The following TRAPPC9 variants were observed in gnomAD, a reference collection of about 807,000 sequenced individuals.
TRAPPC9 encodes trafficking protein particle complex subunit 9, also known as IKK2 binding protein.
A neutral mutation model predicts 124.0 loss-of-function variants in TRAPPC9; 83 were observed. That is an observed-to-expected ratio of 0.67 (90% CI 0.56 to 0.80). The LOEUF is 0.80. Among genes scored for constraint, TRAPPC9 ranks in the 30% least tolerant of loss-of-function variants. The pLI, the probability that TRAPPC9 is intolerant of heterozygous loss-of-function variation, is 0.00. For synonymous variants in TRAPPC9, 638 were observed against 617.5 expected, an observed-to-expected ratio of 1.03 and a Z score of -0.49; for missense variants, 1,302 against 1,508.3, an observed-to-expected ratio of 0.86 and a Z score of 2.27.
intron 9 of TRAPPC9, among the ~76,000 whole-genome samples, chr8:140,316,257 A>C (rs2066440348): frequency 6.6e-6 from 1 of 152,054 alleles, no homozygotes; most frequent in African/African-American, 2.4e-5. Flanking sequence ...AATCTTTTTG[A>C]TTTTTTGCTT....
intron 19 of TRAPPC9, among the ~76,000 whole-genome samples, chr8:139,929,833 T>C (rs1833028428): frequency 6.6e-6 from 1 of 152,218 alleles, no homozygotes; most frequent in Non-Finnish European, 1.5e-5. Flanking sequence ...CAGGCTAAGC[T>C]GGGATGGGCC....
chr8:140,276,365 G>A (rs138185281), intron 14 of TRAPPC9, among the ~76,000 whole-genome samples: 13 of 152,278 alleles, frequency 8.5e-5, no homozygotes, highest in South Asian at 4.1e-4. Flanking sequence ...AACACCTGGC[G>A]TCACATGAGG....
chr8:140,327,455 C>A (rs2066769242), intron 9 of TRAPPC9, among the ~76,000 whole-genome samples: 1 of 152,198 alleles, frequency 6.6e-6, no homozygotes, highest in Admixed American at 6.5e-5. Context: ...CAGATACTTG[C>A]AGACCAATGT....
intron 19 of TRAPPC9, among the ~76,000 whole-genome samples, chr8:139,922,471 C>A (rs527800853): frequency 2.6e-5 from 4 of 152,352 alleles, no homozygotes; most frequent in South Asian, 4.1e-4. Flanking sequence ...CGTGAGCCAC[C>A]GCTCCTGGCC....
chr8:140,435,384 T>A, intron 3 of TRAPPC9, 144 bp from the exon 4 acceptor site: 1 of 1,220,694 alleles, frequency 8.2e-7, no homozygotes, highest in Non-Finnish European at 1.2e-6. Flanking sequence ...AAATGCCAAT[T>A]TTTCTCCCAA....
intron 21 of TRAPPC9, among the ~76,000 whole-genome samples, chr8:139,815,022 G>C (rs920602820): frequency 6.6e-6 from 1 of 152,222 alleles, no homozygotes; most frequent in African/African-American, 2.4e-5. Context: ...AAAGCTGCCA[G>C]CACCTGGGCC....
At chr8:140,408,333 G>C (rs1439380215) in intron 5 of TRAPPC9, among the ~76,000 whole-genome samples, 1 of 152,128 alleles carries the variant, frequency 6.6e-6, no homozygotes, top group Non-Finnish European at 1.5e-5. Context: ...TCAAGTATCA[G>C]CCCAACAATG....
intron 17 of TRAPPC9, among the ~76,000 whole-genome samples, chr8:140,210,613 C>G (rs995654580): frequency 6.6e-6 from 1 of 152,174 alleles, no homozygotes; most frequent in Non-Finnish European, 1.5e-5. Context: ...CCCGCACCCC[C>G]TTTCCCACCC....
chr8:140,272,072 G>T (rs1435936772), intron 15 of TRAPPC9, among the ~76,000 whole-genome samples: 31 of 151,258 alleles, frequency 2.0e-4, no homozygotes, highest in Admixed American at 5.9e-4. Context: ...TGATGGTGAT[G>T]ATGGTGGTGG....
chr8:140,458,485 G>C (rs1378658403), upstream of TRAPPC9: 5 of 1,574,096 alleles, frequency 3.2e-6, no homozygotes, highest in East Asian at 4.7e-5. Context: ...CAGGGCCCGG[G>C]AGGCACGTGA....
chr8:140,015,167 C>T (rs1423807265), intron 18 of TRAPPC9, among the ~76,000 whole-genome samples: 1 of 147,484 alleles, frequency 6.8e-6, no homozygotes, highest in Non-Finnish European at 1.5e-5. Flanking sequence ...TGTGTAGGCT[C>T]GCACTGGCAT....
chr8:139,774,145 C>CCCCACGAAGCT (rs1483481746), intron 21 of TRAPPC9, among the ~76,000 whole-genome samples: 7 of 152,188 alleles, frequency 4.6e-5, no homozygotes, highest in Admixed American at 4.6e-4. Flanking sequence ...AAGGAGGAGG[C>CCCCACGAAGCT]CCCACGAAGC....
intron 17 of TRAPPC9, among the ~76,000 whole-genome samples, chr8:140,118,620 A>G (rs969978955): frequency 1.4e-4 from 22 of 152,236 alleles, no homozygotes; most frequent in African/African-American, 4.3e-4. Flanking sequence ...TGGGCCAAGA[A>G]GATGCCTCCA....
At chr8:140,117,785 G>A (rs1294540197) in intron 17 of TRAPPC9, among the ~76,000 whole-genome samples, 1 of 152,184 alleles carries the variant, frequency 6.6e-6, no homozygotes, top group African/African-American at 2.4e-5. Context: ...AGAACTCACT[G>A]AGCAGCAAAA....
intron 19 of TRAPPC9, among the ~76,000 whole-genome samples, chr8:139,926,053 C>G (rs535577709): frequency 6.6e-6 from 1 of 152,326 alleles, no homozygotes; most frequent in East Asian, 1.9e-4. Flanking sequence ...CATCCAGTGA[C>G]GTCACGTGGA....
At chr8:140,264,613 A>C (rs1202642718) in intron 15 of TRAPPC9, among the ~76,000 whole-genome samples, 1 of 102,416 alleles carries the variant, frequency 9.8e-6, no homozygotes, top group African/African-American at 3.4e-5. Context: ...GGGGGAAGGG[A>C]GAGAGAGAGA....
intron 17 of TRAPPC9, among the ~76,000 whole-genome samples, chr8:140,107,708 T>C (rs1399658031): frequency 6.6e-6 from 1 of 152,216 alleles, no homozygotes; most frequent in African/African-American, 2.4e-5. Context: ...AATCATTTCC[T>C]TGTGGCCAGG....
At chr8:139,900,729 G>T (rs989780923) in intron 20 of TRAPPC9, among the ~76,000 whole-genome samples, 14 of 152,144 alleles carry the variant, frequency 9.2e-5, no homozygotes, top group Admixed American at 6.5e-4. Context: ...GTCATTTTCT[G>T]TAAGGCCATT....
At chr8:140,160,251 A>G (rs2061722587) in intron 17 of TRAPPC9, among the ~76,000 whole-genome samples, 1 of 152,188 alleles carries the variant, frequency 6.6e-6, no homozygotes, top group African/African-American at 2.4e-5. Context: ...TCCCTCAAGG[A>G]TCTAGAACTA....
Sources: allele counts gnomAD v4.1 joint callset (sites outside exome capture counted in the v4.1 genomes callset), GRCh38; gene constraint gnomAD v4.1.1; transcripts MANE v1.5; gene names NCBI Gene and HGNC (gene_info 2026-07-23, HGNC 2026-07-21).